AKAP6: variants seen among roughly 807,000 people sequenced by gnomAD.
The protein encoded by AKAP6 is A-kinase anchoring protein 6.
A neutral mutation model predicts 188.5 loss-of-function variants in AKAP6; 58 were observed. The ratio of observed to expected loss-of-function variants is 0.31; its 90% CI spans 0.25 to 0.38. The LOEUF is 0.38. AKAP6 is among the 10% of genes least tolerant of loss of function. The pLI, the probability that AKAP6 is intolerant of heterozygous loss-of-function variation, is 1.00. For missense variants in AKAP6, 2,710 were observed against 2,740.0 expected, an observed-to-expected ratio of 0.99 and a Z score of 0.24; for synonymous variants, 989 against 998.6, an observed-to-expected ratio of 0.99 and a Z score of 0.18.
intron 1 of AKAP6, among the ~76,000 whole-genome samples, chr14:32,426,090 T>C (rs1890022095): frequency 6.6e-6 from 1 of 152,216 alleles, no homozygotes. Flanking sequence ...CAGCACCATT[T>C]ATTAAGTAGG....
intron 9 of AKAP6, among the ~76,000 whole-genome samples, chr14:32,727,949 C>T (rs923172907): frequency 1.3e-5 from 2 of 152,190 alleles, no homozygotes; most frequent in Admixed American, 6.5e-5. Flanking sequence ...TTATGAGATG[C>T]TACACACAAG....
intron 12 of AKAP6, among the ~76,000 whole-genome samples, chr14:32,813,545 A>C (rs887291416): frequency 1.3e-5 from 2 of 152,198 alleles, no homozygotes; most frequent in East Asian, 3.9e-4. Context: ...TTGTGATCAA[A>C]AGGGGCCATT....
chr14:32,523,791 TAAAAAAA>T (rs55994452), intron 2 of AKAP6, among the ~76,000 whole-genome samples: 1 of 107,124 alleles, frequency 9.3e-6, no homozygotes, highest in Non-Finnish European at 1.9e-5. Context: ...TCCTCCTGAT[TAAAAAAA>T]AAAAAAAAAA....
chr14:32,615,310 C>T (rs1248208539), intron 7 of AKAP6, among the ~76,000 whole-genome samples: 1 of 151,356 alleles, frequency 6.6e-6, no homozygotes, highest in Non-Finnish European at 1.5e-5. Flanking sequence ...CTTAATATGC[C>T]AAGGATGGCA....
Position 32,726,656 on chromosome 14 carries a change from A to G in AKAP6, c.3001-5798A>G, listed in dbSNP as rs568594150. Among the ~76,000 whole-genome samples, 8 of 152,372 alleles carry G rather than the reference A, an allele frequency of 5.3e-5. No individual in the cohort carries two copies. The South Asian group carries it at 1.7e-3, about 32-fold the overall frequency. On this transcript the variant is annotated intron_variant, in intron 9 of 13. Coordinates refer to ENST00000280979, the MANE Select transcript of AKAP6 (RefSeq NM_004274.5). Reference sequence around the variant, plus strand: ...AGTCTTCAATTAATGTGAAAGCACTACAATGCCTATGCAACTTCTCTTGCC... The same window carrying G: ...AGTCTTCAATTAATGTGAAAGCACTGCAATGCCTATGCAACTTCTCTTGCC...
intron 12 of AKAP6, among the ~76,000 whole-genome samples, chr14:32,781,789 G>A (rs1229321546): frequency 6.6e-6 from 1 of 152,046 alleles, no homozygotes; most frequent in African/African-American, 2.4e-5. Context: ...GCACACTCAG[G>A]AAACCCATTT....
rs117050798 is a variant in AKAP6, at chr14:32,331,705, G to C, written c.-35+2297G>C. 5.3e-5 allele frequency among the ~76,000 whole-genome samples: 8 copies of C among 152,144 alleles called. No homozygotes were observed. The South Asian group carries it at 1.7e-3, about 32-fold the overall frequency. On this transcript the variant is annotated intron_variant, in intron 1 of 13. Coordinates refer to ENST00000280979, the MANE Select transcript of AKAP6 (RefSeq NM_004274.5). Reference sequence around the variant, plus strand: ...CAAGGGGTAGATGGTGTGTGTGTGTGTATAGGGGAAGGGAGAGATTTCTCT... The same window carrying C: ...CAAGGGGTAGATGGTGTGTGTGTGTCTATAGGGGAAGGGAGAGATTTCTCT...
chr14:32,338,786 A>C (rs1886798625), intron 1 of AKAP6, among the ~76,000 whole-genome samples: 1 of 152,136 alleles, frequency 6.6e-6, no homozygotes, highest in Admixed American at 6.5e-5. Flanking sequence ...ACAGGATGAA[A>C]TGAAGTATTT....
At position 32,546,695 on chromosome 14, in the gene AKAP6, A is replaced by G. The variant is rs765430342; in HGVS notation, c.2042A>G (p.Tyr681Cys). 5.0e-6 allele frequency: 8 copies of G among 1,614,156 alleles called. 1 individual carries two copies. The highest frequency in any genetic ancestry group is 2.2e-5 in the South Asian group (2 of 91,082). Reference sequence around the variant, plus strand: ...GAAATGAATTCAGATTCTGAAATCTATCCAACCTATCATGTCAAAAAGAAG... The same window carrying G: ...GAAATGAATTCAGATTCTGAAATCTGTCCAACCTATCATGTCAAAAAGAAG... ...LSEMNSDSEI[Y>C]PTYHVKKKHT... Residue 681 changes from tyrosine to cysteine, a missense_variant, in exon 4 of 14, where the codon TAT becomes TGT. Physicochemically the swap from Tyr to Cys is radical, Grantham distance 194 (BLOSUM62 -2). Coordinates refer to ENST00000280979, the MANE Select transcript of AKAP6 (RefSeq NM_004274.5).
intron 1 of AKAP6, among the ~76,000 whole-genome samples, chr14:32,406,733 T>A (rs564316191): frequency 6.6e-6 from 1 of 151,778 alleles, no homozygotes; most frequent in African/African-American, 2.4e-5. Context: ...AGAAAGAGAG[T>A]GAATCTAGGG....
At chr14:32,764,832 G>A (rs2032656924) in intron 11 of AKAP6, among the ~76,000 whole-genome samples, 1 of 151,922 alleles carries the variant, frequency 6.6e-6, no homozygotes, top group Admixed American at 6.6e-5. Context: ...CATTACTGCT[G>A]GAGATTAGTG....
At chr14:32,538,775 G>T (rs1227188629) in intron 3 of AKAP6, among the ~76,000 whole-genome samples, 1 of 152,072 alleles carries the variant, frequency 6.6e-6, no homozygotes, top group African/African-American at 2.4e-5. Flanking sequence ...TGGAAAAATT[G>T]AATTTAAGAA....
At chr14:32,479,912 T>C (rs892935094) in intron 2 of AKAP6, among the ~76,000 whole-genome samples, 46 of 152,298 alleles carry the variant, frequency 3.0e-4, no homozygotes, top group African/African-American at 1.1e-3. Context: ...TCTACCCAGT[T>C]TATGGTATTT....
intron 4 of AKAP6, among the ~76,000 whole-genome samples, chr14:32,560,397 G>A (rs1174681510): frequency 1.3e-5 from 2 of 151,852 alleles, no homozygotes; most frequent in African/African-American, 4.8e-5. Context: ...TCCTGCCTCA[G>A]TTTGGTTTCT....
At chr14:32,470,391 A>G (rs1157627962) in intron 2 of AKAP6, among the ~76,000 whole-genome samples, 2 of 152,298 alleles carry the variant, frequency 1.3e-5, no homozygotes, top group African/African-American at 4.8e-5. Context: ...AAGGTCTTTC[A>G]TTACAAGTTT....
chr14:32,413,175 A>T lies in AKAP6; in HGVS notation c.-34-20285A>T, dbSNP rs12893453. 3.6e-3 allele frequency among the ~76,000 whole-genome samples: 215 copies of T among 60,486 alleles called. 58 individuals are homozygous for T. Among genetic ancestry groups the T allele is most frequent in the Middle Eastern group, 0.023 (2 of 88 alleles). The allele number at this position is 60,486 out of a possible 152,430, so 39.7% of individuals were successfully genotyped here. On this transcript the variant is annotated intron_variant, in intron 1 of 13. Transcript: ENST00000280979. ...GGACAAAAAGAAAGTATTTATTGAA[A>T]TTTTTTTTTTTTTTTTTTTTTTTTT...
At chr14:32,629,026 A>G (rs1887143704) in intron 7 of AKAP6, among the ~76,000 whole-genome samples, 1 of 152,080 alleles carries the variant, frequency 6.6e-6, no homozygotes, top group African/African-American at 2.4e-5. Flanking sequence ...GTGCCGTTTG[A>G]GGAGGGAATC....
chr14:32,405,592 C>T (rs1889262321), intron 1 of AKAP6, among the ~76,000 whole-genome samples: 1 of 152,120 alleles, frequency 6.6e-6, no homozygotes, highest in Non-Finnish European at 1.5e-5. Context: ...TGTCCCCACC[C>T]AAAATCTCAT....
At chr14:32,466,846 TTTTCTTTC>T (rs762502177) in intron 2 of AKAP6, among the ~76,000 whole-genome samples, 1 of 142,632 alleles carries the variant, frequency 7.0e-6, no homozygotes, top group African/African-American at 2.8e-5. Context: ...TATATATATA[TTTTCTTTC>T]TTAGCAAGAC....
Sources: allele counts gnomAD v4.1 joint callset (sites outside exome capture counted in the v4.1 genomes callset), GRCh38; gene constraint gnomAD v4.1.1; transcripts MANE v1.5; gene names NCBI Gene and HGNC (gene_info 2026-07-23, HGNC 2026-07-21).